The following ADGRV1 variants were observed in gnomAD, a reference collection of about 807,000 sequenced individuals.
ADGRV1 encodes the protein G-protein coupled receptor 98.
In ADGRV1, 359 loss-of-function variants were observed where a neutral mutation model predicts 596.2. The observed-to-expected ratio is 0.60, with a 90% CI of 0.55 to 0.66. The LOEUF (loss-of-function observed/expected upper bound fraction) is 0.66, where lower values mean the gene tolerates loss of function less well. ADGRV1 is among the 30% of genes least tolerant of loss of function. The pLI is 0.00. For synonymous variants in ADGRV1, 2,681 were observed against 2,679.2 expected (o/e 1.00, Z -0.02); for missense variants, 7,274 against 7,575.6 (o/e 0.96, Z 1.48).
chr5:91,102,371 T>G (rs1484130302), intron 87 of ADGRV1, 31 bp downstream of exon 87: 1 of 1,543,100 alleles, frequency 6.5e-7, no homozygotes, highest in Non-Finnish European at 8.7e-7. Flanking sequence ...AGTGACAACA[T>G]ACATTTATCT....
At chr5:91,061,770 T>G (rs1261094346) in intron 85 of ADGRV1, among the ~76,000 whole-genome samples, 1 of 152,208 alleles carries the variant, frequency 6.6e-6, no homozygotes, top group Non-Finnish European at 1.5e-5. Flanking sequence ...TATGTAGAGT[T>G]AGTTAGCAAT....
intron 86 of ADGRV1, among the ~76,000 whole-genome samples, chr5:91,081,725 G>A (rs1031707082): frequency 1.3e-5 from 2 of 152,174 alleles, no homozygotes; most frequent in African/African-American, 4.8e-5. Flanking sequence ...GGCAGAGGTT[G>A]CAGTGAGCCA....
At chr5:90,569,354 G>GATATATATATATATATATATAT (rs1185532852) in intron 1 of ADGRV1, among the ~76,000 whole-genome samples, 2 of 12,796 alleles carry the variant, frequency 1.6e-4, no homozygotes, top group African/African-American at 3.1e-4. Flanking sequence ...CTGTTTGCAT[G>GATATATATATATATATATATAT]ATATATATAT....
chr5:90,969,557 C>T (rs977846509), intron 84 of ADGRV1, among the ~76,000 whole-genome samples: 2 of 152,162 alleles, frequency 1.3e-5, no homozygotes, highest in African/African-American at 4.8e-5. Context: ...TTTTCTTTGA[C>T]AGAGAAGTCA....
At chr5:90,579,951 T>C (rs943082078) in intron 1 of ADGRV1, among the ~76,000 whole-genome samples, 7 of 152,202 alleles carry the variant, frequency 4.6e-5, no homozygotes, top group African/African-American at 1.7e-4. Context: ...TTTTTTTGCT[T>C]TCCATTTGCT....
chr5:90,950,992 T>C (rs1275539877), intron 83 of ADGRV1, among the ~76,000 whole-genome samples: 2 of 152,214 alleles, frequency 1.3e-5, no homozygotes, highest in African/African-American at 4.8e-5. Context: ...ATCCTCATTC[T>C]CATTTTGCAG....
At position 90,653,943 on chromosome 5, in the gene ADGRV1, A is replaced by AT. The variant is rs759668154; in HGVS notation, c.4371dup (p.Thr1458TyrfsTer2). 1 of 1,556,040 alleles carries AT rather than the reference A, an allele frequency of 6.4e-7. No individual in the cohort carries two copies. Among genetic ancestry groups the AT allele is most frequent in the Non-Finnish European group, 8.7e-7 (1 of 1,149,020 alleles). On this transcript the variant is annotated frameshift_variant, in exon 20 of 90. Coordinates refer to ENST00000405460, the MANE Select transcript of ADGRV1 (RefSeq NM_032119.4). LOFTEE classifies it high-confidence loss of function. ...AATCAAGAGTCTGAAAGGAGAAGCC[A>AT]TTACTGACGGTGAGGGTCATCATCA...
intron 85 of ADGRV1, among the ~76,000 whole-genome samples, chr5:91,033,166 C>T (rs1195834883): frequency 6.6e-6 from 1 of 152,032 alleles, no homozygotes; most frequent in Non-Finnish European, 1.5e-5. Flanking sequence ...TTAAACACTC[C>T]ACTTTTTGTT....
intron 83 of ADGRV1, among the ~76,000 whole-genome samples, chr5:90,874,458 C>G (rs1230069572): frequency 2.6e-5 from 4 of 152,072 alleles, no homozygotes; most frequent in African/African-American, 9.7e-5. Context: ...CTCCTTTTCC[C>G]CTTTCTAATG....
In ADGRV1 at chr5:90,708,762, G is replaced by T; in HGVS notation, c.8731-54G>T. On this transcript the variant is annotated intron_variant, in intron 38 of 89. Coordinates refer to ENST00000405460, the MANE Select transcript of ADGRV1 (RefSeq NM_032119.4). The stretch of plus-strand genomic sequence containing the variant: ...TTTAATTTAAAAACAGTTTCTGAGG[G>T]TTAATTACTTTGAGAGTATAACTAA... 4 of 1,129,454 alleles carry T rather than the reference G, an allele frequency of 3.5e-6. No individual in the cohort carries two copies. In the South Asian group the frequency reaches 4.0e-5, roughly 11 times the overall value. 70.0% of individuals were successfully genotyped at this position (1,129,454 alleles called of 1,614,324 possible). A position where few individuals can be genotyped will look rare whatever the true frequency, so the allele number is the denominator to read the frequency against.
chr5:90,923,787 C>A (rs1486294577), intron 83 of ADGRV1, among the ~76,000 whole-genome samples: 3 of 151,688 alleles, frequency 2.0e-5, no homozygotes, highest in African/African-American at 7.3e-5. Context: ...CCCTGCCCCC[C>A]ACCCCACCAC....
chr5:90,931,041 C>A (rs1043890802), intron 83 of ADGRV1: 2 of 152,070 alleles, frequency 1.3e-5, no homozygotes, highest in Non-Finnish European at 2.9e-5. Flanking sequence ...GAATAGATGA[C>A]ACCAAAGCTG....
At chr5:90,574,084 T>G (rs938693375) in intron 1 of ADGRV1, among the ~76,000 whole-genome samples, 1 of 152,162 alleles carries the variant, frequency 6.6e-6, no homozygotes, top group Non-Finnish European at 1.5e-5. Context: ...CATCTGGTAG[T>G]GTGATGCCTC....
chr5:91,047,691 A>G (rs1295185723), intron 85 of ADGRV1, among the ~76,000 whole-genome samples: 1 of 152,196 alleles, frequency 6.6e-6, no homozygotes, highest in Non-Finnish European at 1.5e-5. Flanking sequence ...TTGATCCTTC[A>G]AACAAGTTGA....
At chr5:91,084,768 A>G (rs1789713794) in intron 86 of ADGRV1, among the ~76,000 whole-genome samples, 1 of 152,236 alleles carries the variant, frequency 6.6e-6, no homozygotes, top group Non-Finnish European at 1.5e-5. Flanking sequence ...TACTATGAAG[A>G]CACATGCACA....
intron 85 of ADGRV1, among the ~76,000 whole-genome samples, chr5:91,035,863 A>AATATATATATATATATATATATATAT (rs1784850251): frequency 9.6e-6 from 1 of 104,080 alleles, no homozygotes; most frequent in Non-Finnish European, 2.0e-5. Context: ...TATATATATT[A>AATATATATATATATATATATATATAT]TATATATATA....
chr5:90,901,730 T>C (rs1283870397), intron 83 of ADGRV1, among the ~76,000 whole-genome samples: 3 of 152,182 alleles, frequency 2.0e-5, no homozygotes, highest in Admixed American at 2.0e-4. Context: ...AGGTGAAATA[T>C]AGAACTCAAC....
chr5:90,559,960 A>T (rs985127341), intron 1 of ADGRV1, among the ~76,000 whole-genome samples: 10 of 152,208 alleles, frequency 6.6e-5, no homozygotes, highest in African/African-American at 2.4e-4. Context: ...CCAATAATTT[A>T]TTCTGGGTTA....
chr5:91,148,250 C>T (rs938514022), intron 87 of ADGRV1, among the ~76,000 whole-genome samples: 14 of 152,174 alleles, frequency 9.2e-5, no homozygotes, highest in African/African-American at 3.1e-4. Context: ...AAATGTTAAT[C>T]GCCAAGACAA....
Sources: gnomAD v4.1 joint callset for allele counts (sites outside exome capture counted in the v4.1 genomes callset) on GRCh38, gnomAD v4.1.1 for gene constraint, MANE v1.5 for transcripts, NCBI Gene and HGNC (gene_info 2026-07-23, HGNC 2026-07-21) for gene names.